Variants in KIAA0825 observed in about 807,000 individuals in gnomAD.
The protein encoded by KIAA0825 is KIAA0825.
KIAA0825 carries 119 observed loss-of-function variants against 147.6 expected under a neutral mutation model. The ratio of observed to expected loss-of-function variants is 0.81; its 90% CI spans 0.69 to 0.94. The LOEUF is 0.94. Among genes scored for constraint, KIAA0825 ranks in the 40% least tolerant of loss-of-function variants. KIAA0825 has a pLI of 0.00. For synonymous variants in KIAA0825, 470 were observed against 518.1 expected, an observed-to-expected ratio of 0.91 and a Z score of 1.26; for missense variants, 1,381 against 1,472.7, an observed-to-expected ratio of 0.94 and a Z score of 1.02.
At chr5:94,517,024 C>T (rs1030232651) in intron 5 of KIAA0825, among the ~76,000 whole-genome samples, 55 of 152,090 alleles carry the variant, frequency 3.6e-4, no homozygotes, top group Admixed American at 2.2e-3. Context: ...TCGCTTGAAC[C>T]CAGGAGGCGG....
At position 94,340,428 on chromosome 5, in the gene KIAA0825, A is replaced by G. The variant is rs149938847; in HGVS notation, c.3710+43940T>C. On this transcript the variant is annotated intron_variant, in intron 20 of 20. Coordinates refer to ENST00000682413, the MANE Select transcript of KIAA0825 (RefSeq NM_001145678.3). ...TCCAAGGATACAGAGGAAGAACCGTACTTTAATGGTTACCTACCTGAGTTA... is the reference window on the plus strand; with the variant it reads ...TCCAAGGATACAGAGGAAGAACCGTGCTTTAATGGTTACCTACCTGAGTTA... Among the ~76,000 whole-genome samples, 1,233 of 152,292 alleles carry G rather than the reference A, an allele frequency of 8.1e-3. 18 individuals carry two copies. The highest frequency in any genetic ancestry group is 0.029 in the African/African-American group (1,194 of 41,578).
At chr5:94,539,763 C>A (rs1244261767) in intron 2 of KIAA0825, among the ~76,000 whole-genome samples, 2 of 151,814 alleles carry the variant, frequency 1.3e-5, no homozygotes, top group African/African-American at 4.8e-5. Flanking sequence ...GGTTAGAGAC[C>A]CAACTTAGGA....
intron 20 of KIAA0825, among the ~76,000 whole-genome samples, chr5:94,287,454 C>T (rs1476244724): frequency 6.6e-6 from 1 of 152,168 alleles, no homozygotes; most frequent in African/African-American, 2.4e-5. Flanking sequence ...CTACTTCAGC[C>T]ACTATATTTT....
chr5:94,453,050 C>G lies in KIAA0825; in HGVS notation c.2266G>C (p.Asp756His). ...ELYKTFQHGLDESASDSLKSF... is the reference protein window; with the variant it reads ...ELYKTFQHGLHESASDSLKSF... ...TTTAAGGAATCTGAAGCAGACTCAT[C>G]CAGGCCATGCTGAAAAGTCCTAGGG... The change falls in exon 13 of 21, where the codon GAT (aspartate) becomes CAT (histidine). Residue 756 changes from aspartate (D) to histidine (H), a missense_variant. Transcript: ENST00000682413. 1 of 1,520,438 alleles carries G rather than the reference C, an allele frequency of 6.6e-7. No homozygotes were observed. Among genetic ancestry groups the G allele is most frequent in the East Asian group, 2.6e-5 (1 of 38,730 alleles). The allele number at this position is 1,520,438 out of a possible 1,614,324, so 94.2% of individuals were successfully genotyped here.
At chr5:94,372,611 G>C (rs538511841) in intron 20 of KIAA0825, among the ~76,000 whole-genome samples, 204 of 152,350 alleles carry the variant, frequency 1.3e-3, no homozygotes, top group Non-Finnish European at 2.2e-3. Context: ...TCCCAGGGCT[G>C]CACAGAGGAG....
At chr5:94,585,421 C>T (rs1370502612) in intron 1 of KIAA0825, among the ~76,000 whole-genome samples, 1 of 152,020 alleles carries the variant, frequency 6.6e-6, no homozygotes, top group African/African-American at 2.4e-5. Context: ...TTTAAACCAA[C>T]AAAGATCAAA....
At chr5:94,516,755 A>T (rs1413164211) in intron 5 of KIAA0825, among the ~76,000 whole-genome samples, 2 of 144,154 alleles carry the variant, frequency 1.4e-5, no homozygotes, top group Admixed American at 7.2e-5. Context: ...GCGCCACAGC[A>T]CTCCCGCCTG....
At chr5:94,599,008 C>T (rs150840191) in intron 1 of KIAA0825, among the ~76,000 whole-genome samples, 1,899 of 152,242 alleles carry the variant, frequency 0.012, 48 homozygotes, top group African/African-American at 0.044. Flanking sequence ...ACAGCTGGAT[C>T]ATATGGTAGT....
At chr5:94,161,060 A>G (rs1474510665) in intron 20 of KIAA0825, among the ~76,000 whole-genome samples, 1 of 152,194 alleles carries the variant, frequency 6.6e-6, no homozygotes, top group Non-Finnish European at 1.5e-5. Flanking sequence ...ACAGTCTGTC[A>G]CCAGTTAAGA....
intron 5 of KIAA0825, 67 bp from the exon 6 acceptor site, chr5:94,484,997 C>T (rs996039097): frequency 6.4e-5 from 70 of 1,096,220 alleles, no homozygotes; most frequent in Non-Finnish European, 8.2e-5. Context: ...TTAGAATGAT[C>T]TGTGTGATTC....
At chr5:94,220,256 A>T (rs1488316351) in intron 20 of KIAA0825, among the ~76,000 whole-genome samples, 1 of 152,162 alleles carries the variant, frequency 6.6e-6, no homozygotes, top group Non-Finnish European at 1.5e-5. Context: ...ATCCCACTGG[A>T]AGTTCTTCTG....
At chr5:94,588,978 C>T (rs1450049126) in intron 1 of KIAA0825, among the ~76,000 whole-genome samples, 1 of 152,064 alleles carries the variant, frequency 6.6e-6, no homozygotes, top group Non-Finnish European at 1.5e-5. Context: ...AATGAGAACA[C>T]ACGGACACAG....
At chr5:94,174,728 G>C (rs1768931206) in intron 20 of KIAA0825, among the ~76,000 whole-genome samples, 1 of 152,042 alleles carries the variant, frequency 6.6e-6, no homozygotes, top group African/African-American at 2.4e-5. Context: ...AATTTATTCA[G>C]CTTTCTTCCT....
intron 17 of KIAA0825, among the ~76,000 whole-genome samples, chr5:94,394,005 C>T (rs1458578089): frequency 1.3e-5 from 2 of 152,012 alleles, no homozygotes; most frequent in Non-Finnish European, 2.9e-5. Flanking sequence ...TACCACCACA[C>T]CCAGCTAATT....
At chr5:94,489,421 G>T (rs1404825052) in intron 5 of KIAA0825, among the ~76,000 whole-genome samples, 1 of 152,100 alleles carries the variant, frequency 6.6e-6, no homozygotes, top group Non-Finnish European at 1.5e-5. Flanking sequence ...TCTTTTGTGT[G>T]CTAGAGTTTG....
chr5:94,429,313 G>GT (rs1480945247), intron 14 of KIAA0825, among the ~76,000 whole-genome samples: 3 of 151,918 alleles, frequency 2.0e-5, no homozygotes, highest in Non-Finnish European at 4.4e-5. Flanking sequence ...ATCTGGAGAT[G>GT]TTGGCATTTC....
In KIAA0825 at chr5:94,484,824, A is replaced by G; in HGVS notation, c.1077T>C (p.Val359=). The G allele has an allele frequency of 6.5e-7, 1 of 1,531,260 alleles. No individual in the cohort carries two copies. The allele number at this position is 1,531,260 out of a possible 1,614,324, so 94.9% of individuals were successfully genotyped here. ...AAAGTATTTCGTCAAACAATTCTTG[A>G]ACACCTTTTTCCAGTTTCATAAAGG... ...IKSFMKLEKG[V]QELFDEILLS... Residue 359 remains valine (V), a synonymous_variant, in exon 6 of 21, where the codon GTT becomes GTC. Transcript: ENST00000682413.
chr5:94,523,877 T>C, intron 4 of KIAA0825, 53 bp downstream of exon 4: 2 of 1,177,736 alleles, frequency 1.7e-6, no homozygotes, highest in Non-Finnish European at 2.4e-6. Context: ...TTGAATGAGT[T>C]GTATTCCCTG....
chr5:94,154,424 A>G (rs751391296), intron 20 of KIAA0825, among the ~76,000 whole-genome samples: 2 of 152,250 alleles, frequency 1.3e-5, no homozygotes, highest in Non-Finnish European at 2.9e-5. Context: ...GAAAATACAC[A>G]TATAAATAAA....
Sources: allele counts gnomAD v4.1 joint callset (sites outside exome capture counted in the v4.1 genomes callset), GRCh38; gene constraint gnomAD v4.1.1; transcripts MANE v1.5; gene names NCBI Gene and HGNC (gene_info 2026-07-23, HGNC 2026-07-21).